The following TEAD1 variants were observed in gnomAD, a reference collection of about 807,000 sequenced individuals.
TEAD1 encodes the protein transcriptional enhancer factor TEF-1.
TEAD1 carries 9 observed loss-of-function variants against 54.9 expected under a neutral mutation model. The ratio of observed to expected loss-of-function variants is 0.16; its 90% CI spans 0.10 to 0.29. The LOEUF is 0.29. Among genes scored for constraint, TEAD1 ranks in the 10% least tolerant of loss-of-function variants. The pLI is 1.00. For missense variants in TEAD1, 387 were observed against 535.9 expected, an observed-to-expected ratio of 0.72 and a Z score of 2.74; for synonymous variants, 200 against 187.8, an observed-to-expected ratio of 1.07 and a Z score of -0.53.
intron 2 of TEAD1, among the ~76,000 whole-genome samples, chr11:12,680,535 T>C (rs1943197753): frequency 6.6e-6 from 1 of 152,228 alleles, no homozygotes; most frequent in South Asian, 2.1e-4. Flanking sequence ...CTTGCAGCTC[T>C]AGCTGGGAGC....
At chr11:12,936,497 C>A (rs1949101688) in intron 12 of TEAD1, among the ~76,000 whole-genome samples, 1 of 152,164 alleles carries the variant, frequency 6.6e-6, no homozygotes, top group African/African-American at 2.4e-5. Flanking sequence ...CTTCTCTGTC[C>A]TTGGCTATTG....
rs185529378 is a variant in TEAD1 at position 12,883,446 on chromosome 11, T to C, written c.699+321T>C. ...AACAAGAAGTAACATTTATTGAGCC[T>C]TGCCATATGCCTGGTCCCATGCAGA... On this transcript the variant is annotated intron_variant, in intron 9 of 12. Transcript: ENST00000527636. Among the ~76,000 whole-genome samples, 34 of 152,298 alleles carry C rather than the reference T, an allele frequency of 2.2e-4. No homozygotes were observed. The East Asian group carries it at 6.4e-3, about 29-fold the overall frequency.
At chr11:12,923,545 C>T (rs895695489) in intron 10 of TEAD1, among the ~76,000 whole-genome samples, 3 of 152,148 alleles carry the variant, frequency 2.0e-5, no homozygotes, top group Non-Finnish European at 4.4e-5. Flanking sequence ...GTGCCGGATG[C>T]GGAGCAGGGG....
chr11:12,806,059 A>G (rs1946165283), intron 3 of TEAD1, among the ~76,000 whole-genome samples: 1 of 152,222 alleles, frequency 6.6e-6, no homozygotes, highest in African/African-American at 2.4e-5. Context: ...AGCCTGAGGC[A>G]AAGAGTGTCA....
chr11:12,788,200 G>A (rs564777399), intron 3 of TEAD1, among the ~76,000 whole-genome samples: 17 of 149,416 alleles, frequency 1.1e-4, no homozygotes, highest in Admixed American at 2.7e-4. Flanking sequence ...GCAGTGGCGC[G>A]ACCTTGGCTC....
chr11:12,739,241 T>TATCA (rs1482737464), intron 2 of TEAD1, among the ~76,000 whole-genome samples: 1 of 152,030 alleles, frequency 6.6e-6, no homozygotes, highest in African/African-American at 2.4e-5. Context: ...TCTATCTATC[T>TATCA]ATCAGTCATC....
At chr11:12,771,540 G>A (rs1266774071) in intron 3 of TEAD1, among the ~76,000 whole-genome samples, 2 of 152,188 alleles carry the variant, frequency 1.3e-5, no homozygotes, top group African/African-American at 4.8e-5. Context: ...TGGGAGGATG[G>A]TGGTACTGTT....
chr11:12,815,729 T>A (rs1360485518), intron 3 of TEAD1, among the ~76,000 whole-genome samples: 2 of 152,258 alleles, frequency 1.3e-5, no homozygotes, highest in Non-Finnish European at 2.9e-5. Context: ...TATGTGTTAC[T>A]TATGTGTTCT....
At chr11:12,862,421 T>C in intron 4 of TEAD1, 107 bp downstream of exon 4, 1 of 953,310 alleles carries the variant, frequency 1.0e-6, no homozygotes, top group Non-Finnish European at 1.7e-6. Context: ...CCAATTTGAG[T>C]TCCCTGTAAG....
At chr11:12,733,908 G>A (rs1236474833) in intron 2 of TEAD1, among the ~76,000 whole-genome samples, 4 of 152,214 alleles carry the variant, frequency 2.6e-5, no homozygotes, top group African/African-American at 4.8e-5. Context: ...TTGTGTGTGC[G>A]TGGGTTCCCC....
intron 9 of TEAD1, among the ~76,000 whole-genome samples, chr11:12,898,882 C>T (rs1948368255): frequency 6.6e-6 from 1 of 152,224 alleles, no homozygotes; most frequent in African/African-American, 2.4e-5. Flanking sequence ...CCTTGCTTTT[C>T]AGCTGTACCT....
chr11:12,752,846 AG>A (rs1253819170), intron 2 of TEAD1, among the ~76,000 whole-genome samples: 1 of 121,178 alleles, frequency 8.3e-6, no homozygotes, highest in Non-Finnish European at 1.7e-5. Flanking sequence ...AATATGCTAC[AG>A]TTTTTTTTTT....
chr11:12,719,949 GTTTTTTTTTTTTTTTT>G (rs1200965763), intron 2 of TEAD1, among the ~76,000 whole-genome samples: 17 of 39,992 alleles, frequency 4.3e-4, no homozygotes, highest in South Asian at 1.4e-3. Flanking sequence ...GAAATCTAAT[GTTTTTTTTTTTTTTTT>G]TTTTTTTTTT....
chr11:12,836,205 G>T (rs1946888552), intron 3 of TEAD1, among the ~76,000 whole-genome samples: 1 of 152,088 alleles, frequency 6.6e-6, no homozygotes, highest in Admixed American at 6.5e-5. Flanking sequence ...TGGATCATGA[G>T]GTCAGGAGAT....
At chr11:12,677,043 T>C (rs892878095) in intron 2 of TEAD1, among the ~76,000 whole-genome samples, 2 of 152,080 alleles carry the variant, frequency 1.3e-5, no homozygotes, top group Non-Finnish European at 2.9e-5. Context: ...TTTGACAATA[T>C]GGGTAAAGAA....
At chr11:12,741,225 T>A (rs1036890050) in intron 2 of TEAD1, among the ~76,000 whole-genome samples, 2 of 152,218 alleles carry the variant, frequency 1.3e-5, no homozygotes, top group African/African-American at 4.8e-5. Flanking sequence ...TGCCCAGATT[T>A]CCTTTGCATT....
chr11:12,733,653 A>T (rs1590096332), intron 2 of TEAD1, among the ~76,000 whole-genome samples: 1 of 152,214 alleles, frequency 6.6e-6, no homozygotes, highest in African/African-American at 2.4e-5. Context: ...CACTTCCATC[A>T]GCCACGAGAA....
intron 10 of TEAD1, among the ~76,000 whole-genome samples, chr11:12,918,110 G>A (rs547046723): frequency 2.2e-3 from 333 of 152,148 alleles, no homozygotes; most frequent in South Asian, 4.4e-3. Context: ...CATGAAATAG[G>A]TTTGCTTTCC....
At chr11:12,744,246 C>T (rs535873772) in intron 2 of TEAD1, among the ~76,000 whole-genome samples, 2 of 152,228 alleles carry the variant, frequency 1.3e-5, no homozygotes, top group South Asian at 4.1e-4. Context: ...TTCATGAGGT[C>T]CCCAGTCTAT....
Sources: allele counts gnomAD v4.1 joint callset (sites outside exome capture counted in the v4.1 genomes callset), GRCh38; gene constraint gnomAD v4.1.1; transcripts MANE v1.5; gene names NCBI Gene and HGNC (gene_info 2026-07-23, HGNC 2026-07-21).